The following NELL1 variants were observed in gnomAD, a reference collection of about 807,000 sequenced individuals.
NELL1 encodes the protein neural EGFL like 1, also known as protein kinase C-binding protein NELL1.
In NELL1, 76 loss-of-function variants were observed where a neutral mutation model predicts 107.4. The observed-to-expected ratio is 0.71, with a 90% CI of 0.59 to 0.86. The LOEUF (loss-of-function observed/expected upper bound fraction) is 0.86. Among genes scored for constraint, NELL1 ranks in the 40% least tolerant of loss-of-function variants. The probability of loss-of-function intolerance (pLI) is 0.00; values close to 1 mark genes in which losing one functional copy is unlikely to be tolerated. For missense variants in NELL1, 1,024 were observed against 1,005.5 expected (o/e 1.02, Z -0.25); for synonymous variants, 353 against 341.2 (o/e 1.03, Z -0.38).
chr11:20,736,301 G>A (rs1268958097), intron 2 of NELL1, among the ~76,000 whole-genome samples: 1 of 152,206 alleles, frequency 6.6e-6, no homozygotes, highest in Non-Finnish European at 1.5e-5. Flanking sequence ...GAGAAAGACA[G>A]TTAGAGCTTC....
intron 13 of NELL1, 61 bp from the exon 14 acceptor site, chr11:21,229,271 C>T: frequency 6.3e-7 from 1 of 1,588,862 alleles, no homozygotes; most frequent in Non-Finnish European, 8.6e-7. Context: ...CTACATTTCC[C>T]AATACCAGTA....
intron 3 of NELL1, among the ~76,000 whole-genome samples, chr11:20,787,184 T>TG (rs1856985718): frequency 6.6e-6 from 1 of 151,614 alleles, no homozygotes; most frequent in Admixed American, 6.6e-5. Context: ...TATGATGCCC[T>TG]GTTCCATGTG....
At chr11:20,753,790 A>G (rs988203975) in intron 2 of NELL1, among the ~76,000 whole-genome samples, 1 of 152,148 alleles carries the variant, frequency 6.6e-6, no homozygotes. Context: ...TGGGCTGGCT[A>G]TATTTAGGCA....
chr11:20,745,071 G>A (rs1204385004), intron 2 of NELL1, among the ~76,000 whole-genome samples: 1 of 151,944 alleles, frequency 6.6e-6, no homozygotes, highest in Non-Finnish European at 1.5e-5. Context: ...TTGAAACCAG[G>A]TATCACTTCA....
In NELL1 at chr11:21,208,795, AT is replaced by A. The variant is rs149967996; in HGVS notation, c.1427-20534del. On this transcript the variant is annotated intron_variant, in intron 13 of 19. Transcript: ENST00000357134. ...TGAAGTAGTTATAGCCCGAAGAAAG[AT>A]TTAAGAATCTATAAGCTCTTAAAGT... is the stretch of plus-strand genomic sequence containing the variant. Among the ~76,000 whole-genome samples, 1,451 of 152,284 alleles carry A rather than the reference AT, an allele frequency of 9.5e-3. 21 individuals carry two copies. The highest frequency in any genetic ancestry group is 0.033 in the African/African-American group (1,368 of 41,572).
chr11:21,158,311 C>T (rs1052186661), intron 13 of NELL1, among the ~76,000 whole-genome samples: 6 of 152,096 alleles, frequency 3.9e-5, no homozygotes, highest in East Asian at 3.9e-4. Flanking sequence ...TGTGGGACTT[C>T]GCTTTGTGAT....
At chr11:20,758,493 G>A (rs1286706804) in intron 2 of NELL1, among the ~76,000 whole-genome samples, 1 of 152,174 alleles carries the variant, frequency 6.6e-6, no homozygotes, top group Non-Finnish European at 1.5e-5. Context: ...GGCATTTTGA[G>A]TTAGAACCAA....
chr11:21,470,064 C>T (rs1854134691), intron 15 of NELL1, among the ~76,000 whole-genome samples: 1 of 151,934 alleles, frequency 6.6e-6, no homozygotes, highest in Non-Finnish European at 1.5e-5. Context: ...TTACTCTATG[C>T]CAGGTACTTA....
At chr11:21,473,820 C>T (rs1036947773) in intron 15 of NELL1, among the ~76,000 whole-genome samples, 1 of 152,078 alleles carries the variant, frequency 6.6e-6, no homozygotes, top group African/African-American at 2.4e-5. Flanking sequence ...AATTGCATAA[C>T]TCCACTACCT....
chr11:20,891,542 G>GC (rs1195962451), intron 5 of NELL1, among the ~76,000 whole-genome samples: 6 of 152,082 alleles, frequency 3.9e-5, no homozygotes, highest in Admixed American at 3.9e-4. Context: ...TGGGCTAAGT[G>GC]CCCCAATTAA....
At chr11:20,957,826 T>TA (rs1337863892) in intron 11 of NELL1, among the ~76,000 whole-genome samples, 1 of 152,056 alleles carries the variant, frequency 6.6e-6, no homozygotes, top group Non-Finnish European at 1.5e-5. Context: ...AACTGAAAGA[T>TA]ACATCTCAAA....
intron 15 of NELL1, among the ~76,000 whole-genome samples, chr11:21,460,860 G>T (rs1414669885): frequency 6.6e-6 from 1 of 152,068 alleles, no homozygotes; most frequent in Non-Finnish European, 1.5e-5. Flanking sequence ...AGGCAAATAG[G>T]TGAACGAGAT....
intron 13 of NELL1, among the ~76,000 whole-genome samples, chr11:21,119,625 G>T (rs1423600607): frequency 6.6e-6 from 1 of 152,034 alleles, no homozygotes; most frequent in African/African-American, 2.4e-5. Flanking sequence ...CCTTGGGGGA[G>T]TTTTTAGCCT....
chr11:20,842,152 G>A (rs994587788), intron 3 of NELL1, among the ~76,000 whole-genome samples: 1 of 152,194 alleles, frequency 6.6e-6, no homozygotes, highest in African/African-American at 2.4e-5. Context: ...CGAGGTGGGC[G>A]GATCACTTGA....
At chr11:21,007,388 GACACACAC>G (rs66809505) in intron 12 of NELL1, among the ~76,000 whole-genome samples, 3 of 149,228 alleles carry the variant, frequency 2.0e-5, no homozygotes, top group South Asian at 2.1e-4. Flanking sequence ...CACACACACA[GACACACAC>G]ACACACACAC....
At chr11:21,132,205 G>C (rs1468685266) in intron 13 of NELL1, among the ~76,000 whole-genome samples, 1 of 151,720 alleles carries the variant, frequency 6.6e-6, no homozygotes, top group African/African-American at 2.4e-5. Flanking sequence ...GTGTGTGTGT[G>C]CATGTCTGTG....
At chr11:21,486,430 G>T (rs111511283) in intron 15 of NELL1, among the ~76,000 whole-genome samples, 13,517 of 152,056 alleles carry the variant, frequency 0.089, 900 homozygotes, top group African/African-American at 0.19. Flanking sequence ...CAGAATCAAA[G>T]CTGAAGGCCC....
chr11:20,979,793 T>C lies in NELL1; in HGVS notation c.1300+19233T>C, dbSNP rs1298576594. On this transcript the variant is annotated intron_variant, in intron 12 of 19. Coordinates refer to ENST00000357134, the MANE Select transcript of NELL1 (RefSeq NM_006157.5). ...TAACAGTAGGTATTGCTTCTGAGCC[T>C]CTTCATTTACAATGTTAGATTTACA... Among the ~76,000 whole-genome samples the C allele has an allele frequency of 2.0e-5, 3 of 152,214 alleles. No homozygotes were observed. The East Asian group carries it at 5.8e-4, about 29-fold the overall frequency.
intron 17 of NELL1, among the ~76,000 whole-genome samples, chr11:21,568,770 C>A (rs146860995): frequency 0.013 from 1,898 of 151,764 alleles, 36 homozygotes; most frequent in East Asian, 0.071. Flanking sequence ...TGAAGGTCTT[C>A]AGGGACAATA....
Sources: allele counts gnomAD v4.1 joint callset (sites outside exome capture counted in the v4.1 genomes callset), GRCh38; gene constraint gnomAD v4.1.1; transcripts MANE v1.5; gene names NCBI Gene and HGNC (gene_info 2026-07-23, HGNC 2026-07-21).